CYP4A22: variants seen among roughly 807,000 people sequenced by gnomAD.
The protein encoded by CYP4A22 is cytochrome P450 family 4 subfamily A member 22, also known as cytochrome P450 4A22.
CYP4A22 carries 46 observed loss-of-function variants against 56.2 expected under a neutral mutation model. The observed-to-expected ratio is 0.82, with a 90% CI of 0.65 to 1.05. CYP4A22 has a LOEUF of 1.05. CYP4A22 is among the 50% of genes least tolerant of loss of function. The pLI, the probability that CYP4A22 is intolerant of heterozygous loss-of-function variation, is 0.00. For synonymous variants in CYP4A22, 193 were observed against 251.1 expected (o/e 0.77, Z 2.19); for missense variants, 541 against 645.9 (o/e 0.84, Z 1.76).
In CYP4A22 at chr1:47,137,492, GTC is replaced by G. The variant is rs1240101737; in HGVS notation, c.11_12del (p.Ser4CysfsTer37). On this transcript the variant is annotated frameshift_variant, in exon 1 of 12. Coordinates refer to ENST00000371891, the MANE Select transcript of CYP4A22 (RefSeq NM_001010969.4). LOFTEE classifies it high-confidence loss of function. MS[V>X]SVLSPSRRLG... ...ATCCAGCAGGTGCTGCACCATGAGT[GTC>G]TCTGTCCTGAGCCCCAGCAGACGCC... 5.0e-6 allele frequency: 8 copies of G among 1,612,212 alleles called. No homozygotes were observed. In the Admixed American group the frequency reaches 5.0e-5, roughly 10 times the overall value.
chr1:47,144,066 A>G (rs374792637), intron 6 of CYP4A22, 150 bp downstream of exon 6: 30 of 1,400,764 alleles, frequency 2.1e-5, no homozygotes, highest in Middle Eastern at 3.7e-4. Flanking sequence ...GCTGGGAGCC[A>G]AGATGTGAGG....
Position 47,149,005 on chromosome 1 carries a change from A to G in CYP4A22, c.*208A>G. ...ACCCACCTGTATATCTTGTTGGGAG[A>G]AAAGCTGAGTGTTGGGAGAAGCTGA... On this transcript the variant is annotated 3_prime_UTR_variant, in exon 12 of 12. Coordinates refer to ENST00000371891, the MANE Select transcript of CYP4A22 (RefSeq NM_001010969.4). 1.9e-6 allele frequency: 1 copy of G among 539,142 alleles called. No individual in the cohort carries two copies. Among genetic ancestry groups the G allele is most frequent in the Non-Finnish European group, 3.1e-6 (1 of 321,584 alleles). The allele number at this position is 539,142 out of a possible 1,614,324, so 33.4% of individuals were successfully genotyped here. A position where few individuals can be genotyped will look rare whatever the true frequency, so the allele number is the denominator to read the frequency against.
intron 9 of CYP4A22, 95 bp downstream of exon 9, chr1:47,145,065 G>A: frequency 6.5e-7 from 1 of 1,533,434 alleles, no homozygotes; most frequent in Non-Finnish European, 8.8e-7. Context: ...CACATCTCTG[G>A]GTCTCCCTTT....
At position 47,143,853 on chromosome 1, in the gene CYP4A22, T is replaced by C. The variant is rs749710175; in HGVS notation, c.727T>C (p.Tyr243His). 1.2e-6 allele frequency: 2 copies of C among 1,614,182 alleles called. No homozygotes were observed. Among genetic ancestry groups the C allele is most frequent in the Non-Finnish European group, 8.5e-7 (1 of 1,180,014 alleles). Residue 243 changes from tyrosine (Y) to histidine (H), a missense_variant, in exon 6 of 12, where the codon TAC becomes CAC. Physicochemically the swap from Tyr to His is moderately conservative, Grantham distance 83. This residue lies in a region of CYP4A22 where 335 missense variants were observed against 361.2 expected (regional missense o/e 0.93). Transcript: ENST00000371891. ...RNAFHENDTI[Y>H]SLTSAGRWTH... ...TGCCTTTCATGAGAATGACACCATC[T>C]ACAGCCTGACCTCTGCTGGCCGCTG...
rs1557649090 is a variant in CYP4A22, at chr1:47,144,837, G to A, written c.1089G>A (p.Trp363Ter). 3 of 1,613,570 alleles carry A rather than the reference G, an allele frequency of 1.9e-6. No individual in the cohort carries two copies. Among genetic ancestry groups the A allele is most frequent in the East Asian group, 2.2e-5 (1 of 44,792 alleles). The change falls in exon 9 of 12, where the codon TGG becomes TGA. Residue 363 changes from tryptophan to a stop codon, truncating the protein, a stop_gained and splice_region_variant. Coordinates refer to ENST00000371891, the MANE Select transcript of CYP4A22 (RefSeq NM_001010969.4). LOFTEE classifies it high-confidence loss of function. ...GGTGTTCAGGATGGAATTGTTTCAGGAACCACCTGGACCAGATGCCCTACA... is the reference window on the plus strand; with the variant it reads ...GGTGTTCAGGATGGAATTGTTTCAGAAACCACCTGGACCAGATGCCCTACA... The part of the protein sequence containing the change: ...GLLGDGASIT[W>*]NHLDQMPYTT...
At chr1:47,141,025 C>G in intron 2 of CYP4A22, 104 bp downstream of exon 2, 1 of 1,528,070 alleles carries the variant, frequency 6.5e-7, no homozygotes, top group Non-Finnish European at 8.8e-7. Flanking sequence ...ACATCAATAT[C>G]TGAAACCTCT....
intron 1 of CYP4A22, among the ~76,000 whole-genome samples, chr1:47,138,682 C>A (rs1202890351): frequency 1.3e-5 from 2 of 152,168 alleles, no homozygotes; most frequent in Admixed American, 6.5e-5. Context: ...TTATGCACGG[C>A]CCAAGATAAT....
In CYP4A22 at chr1:47,140,834, A is replaced by C; in HGVS notation, c.250A>C (p.Ser84Arg). 2 of 1,614,148 alleles carry C rather than the reference A, an allele frequency of 1.2e-6. No homozygotes were observed. Among genetic ancestry groups the C allele is most frequent in the Non-Finnish European group, 1.7e-6 (2 of 1,180,022 alleles). Residue 84 changes from serine to arginine, a missense_variant, in exon 2 of 12, where the codon AGT becomes CGT. Ser to Arg is a moderately radical substitution (Grantham distance 110). Coordinates refer to ENST00000371891, the MANE Select transcript of CYP4A22 (RefSeq NM_001010969.4). ...RIQERVKTFP[S>R]ACPYWIWGGK... is the part of the protein sequence containing the mutation. The stretch of plus-strand genomic sequence containing the variant: ...TCAGGAACGGGTGAAGACATTCCCA[A>C]GTGCCTGTCCTTATTGGATATGGGG...
chr1:47,139,956 C>T (rs773326450), intron 1 of CYP4A22, among the ~76,000 whole-genome samples: 1 of 152,140 alleles, frequency 6.6e-6, no homozygotes, highest in Non-Finnish European at 1.5e-5. Flanking sequence ...GCAGGTGTAG[C>T]TGGTGTGTGA....
intron 4 of CYP4A22, among the ~76,000 whole-genome samples, chr1:47,142,906 A>G (rs1195528082): frequency 6.6e-6 from 1 of 152,250 alleles, no homozygotes; most frequent in East Asian, 1.9e-4. Context: ...CCTCAGAACT[A>G]GCTCAGCTCT....
At chr1:47,148,194 G>A (rs1474261066) in intron 11 of CYP4A22, among the ~76,000 whole-genome samples, 1 of 152,214 alleles carries the variant, frequency 6.6e-6, no homozygotes, top group African/African-American at 2.4e-5. Flanking sequence ...ACCTGAGAGT[G>A]TGGCCCACCC....
At chr1:47,147,799 C>A (rs1645091987) in intron 11 of CYP4A22, among the ~76,000 whole-genome samples, 1 of 152,122 alleles carries the variant, frequency 6.6e-6, no homozygotes, top group African/African-American at 2.4e-5. Flanking sequence ...GAGGCAAGAG[C>A]CCACGGAGGG....
intron 2 of CYP4A22, among the ~76,000 whole-genome samples, chr1:47,141,258 G>A (rs1430229129): frequency 2.0e-5 from 3 of 152,118 alleles, no homozygotes; most frequent in Non-Finnish European, 4.4e-5. Context: ...GCCTGTCCTG[G>A]TCAGGAGGTG....
intron 9 of CYP4A22, 55 bp downstream of exon 9, chr1:47,145,025 T>A: frequency 2.5e-6 from 4 of 1,603,002 alleles, no homozygotes; most frequent in Non-Finnish European, 3.4e-6. Flanking sequence ...GTGTGGAGGG[T>A]GAGAAATCCA....
intron 3 of CYP4A22, 46 bp downstream of exon 3, chr1:47,141,661 G>C: frequency 6.2e-7 from 1 of 1,600,306 alleles, no homozygotes; most frequent in Admixed American, 1.7e-5. Context: ...AGTTAGGTTT[G>C]AGTTATTTAT....
Position 47,143,378 on chromosome 1 carries a change from G to C in CYP4A22, c.620G>C (p.Ser207Thr). The part of the protein sequence containing the change: ...IMKSAFSHQG[S>T]IQVDRNSQSY... ...AAGAGTGCCTTCAGCCATCAGGGCA[G>C]CATCCAGGTGGACAGGTCAGTGACA... is the stretch of plus-strand genomic sequence containing the variant. The change falls in exon 5 of 12, where the codon AGC (serine) becomes ACC (threonine). Residue 207 changes from serine to threonine, a missense_variant. By Grantham distance (58) the Ser-to-Thr change is moderately conservative. Coordinates refer to ENST00000371891, the MANE Select transcript of CYP4A22 (RefSeq NM_001010969.4). 6.2e-7 allele frequency: 1 copy of C among 1,613,544 alleles called. No homozygotes were observed. The highest frequency in any genetic ancestry group is 1.3e-5 in the African/African-American group (1 of 74,976).
chr1:47,141,537 C>T, intron 2 of CYP4A22, 34 bp from the exon 3 acceptor site: 1 of 1,610,654 alleles, frequency 6.2e-7, no homozygotes, highest in African/African-American at 1.3e-5. Flanking sequence ...TTAGTAACTC[C>T]TAGTTTCCTA....
intron 10 of CYP4A22, 51 bp downstream of exon 10, chr1:47,145,981 C>A: frequency 6.2e-7 from 1 of 1,614,020 alleles, no homozygotes; most frequent in Non-Finnish European, 8.5e-7. Context: ...AGACCAATAC[C>A]TTCTCCTGCT....
intron 11 of CYP4A22, 140 bp from the exon 12 acceptor site, chr1:47,148,462 G>A: frequency 8.3e-7 from 1 of 1,209,318 alleles, no homozygotes. Context: ...AGTGTCCGTG[G>A]GCTGTAAGTG....
Sources: allele counts gnomAD v4.1 joint callset (sites outside exome capture counted in the v4.1 genomes callset), GRCh38; gene constraint gnomAD v4.1.1; regional missense constraint gnomAD v4.1.1; transcripts MANE v1.5; gene names NCBI Gene and HGNC (gene_info 2026-07-23, HGNC 2026-07-21).